Variants in RTN1 observed in about 807,000 individuals in gnomAD.
RTN1 encodes the protein reticulon 1, also known as reticulon-1.
Under a neutral mutation model 65.5 loss-of-function variants are expected in RTN1, and 25 were observed. The observed-to-expected ratio is 0.38, with a 90% CI of 0.28 to 0.53. The LOEUF is 0.53. Ranked by LOEUF, RTN1 falls within the 20% of genes least tolerant of loss-of-function variation. RTN1 has a pLI of 0.79. For synonymous variants in RTN1, 471 were observed against 447.6 expected, an observed-to-expected ratio of 1.05 and a Z score of -0.66; for missense variants, 983 against 1,025.4, an observed-to-expected ratio of 0.96 and a Z score of 0.57.
At chr14:59,749,628 TATATAG>T (rs199829001) in intron 1 of RTN1, among the ~76,000 whole-genome samples, 693 of 61,822 alleles carry the variant, frequency 0.011, 30 homozygotes, top group African/African-American at 0.06. Flanking sequence ...TAGATATCTA[TATATAG>T]ATATCTATAT....
At chr14:59,810,706 C>T (rs938629080) in intron 1 of RTN1, among the ~76,000 whole-genome samples, 6 of 152,182 alleles carry the variant, frequency 3.9e-5, no homozygotes, top group Middle Eastern at 3.4e-3. Context: ...GGAAAGTTAC[C>T]AGGAAGTGAT....
At chr14:59,744,633 A>G (rs1232733075) in intron 2 of RTN1, among the ~76,000 whole-genome samples, 1 of 152,224 alleles carries the variant, frequency 6.6e-6, no homozygotes, top group African/African-American at 2.4e-5. Flanking sequence ...CAGAACTTCA[A>G]TAAACTAGAG....
intron 3 of RTN1, among the ~76,000 whole-genome samples, chr14:59,677,309 C>G (rs1883647718): frequency 6.6e-6 from 1 of 152,212 alleles, no homozygotes; most frequent in South Asian, 2.1e-4. Flanking sequence ...CAGAGGCTCT[C>G]TCCATTTGAT....
At chr14:59,741,111 C>T (rs900675857) in intron 2 of RTN1, among the ~76,000 whole-genome samples, 1 of 152,200 alleles carries the variant, frequency 6.6e-6, no homozygotes. Flanking sequence ...CATGCAGCAT[C>T]CGGAAGGATC....
chr14:59,784,213 C>T (rs922166220), intron 1 of RTN1, among the ~76,000 whole-genome samples: 11 of 151,542 alleles, frequency 7.3e-5, no homozygotes, highest in African/African-American at 2.4e-4. Context: ...CCAAGGCAGG[C>T]GGATCACCTG....
intron 1 of RTN1, among the ~76,000 whole-genome samples, chr14:59,781,967 G>A (rs980016840): frequency 2.6e-5 from 4 of 152,054 alleles, no homozygotes; most frequent in South Asian, 2.1e-4. Context: ...ATTCCCAAGC[G>A]ATGGTATGAG....
chr14:59,626,892 G>T (rs545950010), intron 3 of RTN1, among the ~76,000 whole-genome samples: 1 of 152,196 alleles, frequency 6.6e-6, no homozygotes, highest in African/African-American at 2.4e-5. Flanking sequence ...GTATAAATTG[G>T]TCAAGATCAT....
intron 1 of RTN1, among the ~76,000 whole-genome samples, chr14:59,866,140 A>C (rs1887794179): frequency 6.6e-6 from 1 of 152,162 alleles, no homozygotes; most frequent in South Asian, 2.1e-4. Context: ...AAAAGGAACT[A>C]TTTGGCTAAA....
At position 59,851,762 on chromosome 14, in the gene RTN1, C is replaced by T. The variant is rs192441602; in HGVS notation, c.241+18628G>A. ...GTCCCAGCTATTCGGGAGGCTGAGG[C>T]AAGGGAATCGCTTGAACCTGGGAGG... On this transcript the variant is annotated intron_variant, in intron 1 of 8. Coordinates refer to ENST00000267484, the MANE Select transcript of RTN1 (RefSeq NM_021136.3). 4.9e-4 allele frequency among the ~76,000 whole-genome samples: 73 copies of T among 148,926 alleles called. 1 individual carries two copies. The Middle Eastern group carries it at 0.021, about 43-fold the overall frequency.
At chr14:59,688,625 C>T (rs935528868) in intron 3 of RTN1, among the ~76,000 whole-genome samples, 2 of 152,202 alleles carry the variant, frequency 1.3e-5, no homozygotes, top group Non-Finnish European at 2.9e-5. Context: ...CCATAGGCAC[C>T]ATCTACTGGC....
intron 1 of RTN1, among the ~76,000 whole-genome samples, chr14:59,809,855 C>A (rs1395943631): frequency 2.0e-5 from 3 of 152,132 alleles, no homozygotes; most frequent in African/African-American, 7.2e-5. Flanking sequence ...GATTTTTGTG[C>A]TTTTTTTATA....
At chr14:59,731,725 A>G (rs1884900541) in intron 2 of RTN1, among the ~76,000 whole-genome samples, 1 of 152,172 alleles carries the variant, frequency 6.6e-6, no homozygotes, top group Non-Finnish European at 1.5e-5. Context: ...TGTCTTCTCA[A>G]CAGTATTTGA....
chr14:59,688,104 T>C (rs1489607758), intron 3 of RTN1, among the ~76,000 whole-genome samples: 1 of 152,062 alleles, frequency 6.6e-6, no homozygotes, highest in African/African-American at 2.4e-5. Flanking sequence ...GAGATCCTGG[T>C]GCACAGGGGC....
intron 1 of RTN1, among the ~76,000 whole-genome samples, chr14:59,777,423 C>T (rs1886072743): frequency 6.6e-6 from 1 of 152,162 alleles, no homozygotes; most frequent in Non-Finnish European, 1.5e-5. Flanking sequence ...AACAAGGCTA[C>T]ACACATACCA....
In RTN1 at chr14:59,716,983, A is replaced by G. The variant is rs567768007; in HGVS notation, c.1765+9936T>C. On this transcript the variant is annotated intron_variant, in intron 3 of 8. Transcript: ENST00000267484. ...ACTCCATCTCAACAAACAAACAAAC[A>G]AACAAAAAAAAAAAAAAAAAGAAGT... Among the ~76,000 whole-genome samples the G allele has an allele frequency of 1.0e-4, 11 of 109,126 alleles. No individual in the cohort carries two copies. In the East Asian group the frequency reaches 2.4e-3, roughly 23 times the overall value. 71.6% of individuals were successfully genotyped at this position (109,126 alleles called of 152,430 possible).
At chr14:59,840,565 T>C (rs1887292667) in intron 1 of RTN1, among the ~76,000 whole-genome samples, 2 of 152,236 alleles carry the variant, frequency 1.3e-5, no homozygotes, top group African/African-American at 4.8e-5. Context: ...GCACTTAGTA[T>C]ATACTACATG....
At chr14:59,706,145 C>G (rs1884289279) in intron 3 of RTN1, among the ~76,000 whole-genome samples, 1 of 152,186 alleles carries the variant, frequency 6.6e-6, no homozygotes, top group Admixed American at 6.5e-5. Context: ...TTCACCTATT[C>G]TCTCAACTAT....
rs529331327 is a variant in RTN1 at position 59,670,482 on chromosome 14, C to A, written c.1765+56437G>T. ...GTTAGAGCTCTGCTCCAAATATATT[C>A]TTATTTTTCTTTTAATGTAATCTAA... is the stretch of plus-strand genomic sequence containing the variant. On this transcript the variant is annotated intron_variant, in intron 3 of 8. Coordinates refer to ENST00000267484, the MANE Select transcript of RTN1 (RefSeq NM_021136.3). 5.9e-5 allele frequency among the ~76,000 whole-genome samples: 9 copies of A among 152,294 alleles called. No individual in the cohort carries two copies. In the South Asian group the frequency reaches 1.7e-3, roughly 28 times the overall value.
chr14:59,620,102 G>A (rs1882214838), intron 3 of RTN1, among the ~76,000 whole-genome samples: 1 of 151,860 alleles, frequency 6.6e-6, no homozygotes, highest in South Asian at 2.1e-4. Flanking sequence ...CTCCACTAAG[G>A]AAGGAAAAAA....
Sources: allele counts gnomAD v4.1 joint callset (sites outside exome capture counted in the v4.1 genomes callset), GRCh38; gene constraint gnomAD v4.1.1; transcripts MANE v1.5; gene names NCBI Gene and HGNC (gene_info 2026-07-23, HGNC 2026-07-21).